The following NYAP2 variants were observed in gnomAD, a reference collection of about 807,000 sequenced individuals.
NYAP2 encodes neuronal tyrosine-phosphorylated phosphoinositide-3-kinase adapter 2.
NYAP2 carries 23 observed loss-of-function variants against 50.4 expected under a neutral mutation model. The observed-to-expected ratio is 0.46, with a 90% CI of 0.33 to 0.65. The LOEUF is 0.65. Ranked by LOEUF, NYAP2 falls within the 30% of genes least tolerant of loss-of-function variation. NYAP2 has a pLI of 0.02. For synonymous variants in NYAP2, 394 were observed against 365.2 expected (o/e 1.08, Z -0.90); for missense variants, 885 against 861.0 (o/e 1.03, Z -0.35).
chr2:225,553,276 AAGTTCCCCCT>A (rs927290240), intron 4 of NYAP2, among the ~76,000 whole-genome samples: 2 of 152,216 alleles, frequency 1.3e-5, no homozygotes, highest in African/African-American at 2.4e-5. Flanking sequence ...AGGAAGAAAC[AAGTTCCCCCT>A]AGTTCCCCCT....
intron 3 of NYAP2, among the ~76,000 whole-genome samples, chr2:225,491,370 G>A (rs1037937615): frequency 1.3e-5 from 2 of 152,048 alleles, no homozygotes; most frequent in African/African-American, 4.8e-5. Flanking sequence ...AGGCTTCTGG[G>A]TCCTACCACC....
At chr2:225,547,080 T>C (rs1373016289) in intron 4 of NYAP2, among the ~76,000 whole-genome samples, 1 of 152,094 alleles carries the variant, frequency 6.6e-6, no homozygotes, top group Non-Finnish European at 1.5e-5. Flanking sequence ...AAAAGTCCTC[T>C]TTACTCTTCC....
At chr2:225,599,085 CCT>C (rs1224003902) in intron 5 of NYAP2, among the ~76,000 whole-genome samples, 1 of 151,992 alleles carries the variant, frequency 6.6e-6, no homozygotes, top group African/African-American at 2.4e-5. Context: ...TCTTTCTCTT[CCT>C]CTCTCTCTCA....
chr2:225,681,097 A>G, the NYAP2 span, among the ~76,000 whole-genome samples: 3 of 152,186 alleles, frequency 2.0e-5, no homozygotes, highest in Admixed American at 2.0e-4. Context: ...TCCTTAAAAA[A>G]TGTTTCTTAA....
chr2:225,530,780 C>T (rs900781804), intron 4 of NYAP2, among the ~76,000 whole-genome samples: 1 of 152,160 alleles, frequency 6.6e-6, no homozygotes, highest in Non-Finnish European at 1.5e-5. Flanking sequence ...GGCGTTTCCT[C>T]CATGGTTTTT....
At chr2:225,514,109 T>TTATGTGTG (rs1690882928) in intron 4 of NYAP2, among the ~76,000 whole-genome samples, 1 of 152,232 alleles carries the variant, frequency 6.6e-6, no homozygotes, top group Non-Finnish European at 1.5e-5. Flanking sequence ...ATTTATGTAT[T>TTATGTGTG]TATGTGTGTA....
chr2:225,601,169 GGAGAGCA>G (rs1252693672), intron 5 of NYAP2, among the ~76,000 whole-genome samples: 2 of 148,746 alleles, frequency 1.3e-5, no homozygotes, highest in Non-Finnish European at 3.0e-5. Flanking sequence ...TCCCCAGGCT[GGAGAGCA>G]GTGACGCGAT....
chr2:225,516,188 G>A (rs995396955), intron 4 of NYAP2, among the ~76,000 whole-genome samples: 2 of 152,074 alleles, frequency 1.3e-5, no homozygotes, highest in Admixed American at 6.6e-5. Flanking sequence ...ATGTTTCATC[G>A]CTAGTTCCTG....
At chr2:225,558,755 C>T (rs951178997) in intron 4 of NYAP2, among the ~76,000 whole-genome samples, 9 of 152,136 alleles carry the variant, frequency 5.9e-5, no homozygotes, top group Non-Finnish European at 1.2e-4. Flanking sequence ...CATAGCTTCT[C>T]TTTAAATTTA....
chr2:225,404,754 T>A (rs1694912539), intron 2 of NYAP2, among the ~76,000 whole-genome samples: 1 of 151,974 alleles, frequency 6.6e-6, no homozygotes, highest in Non-Finnish European at 1.5e-5. Flanking sequence ...AAAGTCAACA[T>A]CTTTAACTTA....
rs765610435 is a variant in NYAP2, at chr2:225,582,860, G to A, written c.1443G>A (p.Ser481=). The A allele has an allele frequency of 3.3e-5, 53 of 1,613,630 alleles. No homozygotes were observed. In the South Asian group the frequency reaches 5.1e-4, roughly 15 times the overall value. The change falls in exon 5 of 7, where the codon TCG becomes TCA. Residue 481 remains serine (S), a synonymous_variant. Coordinates refer to ENST00000636099, the Ensembl canonical transcript of NYAP2. The surrounding 1 kb of genome is among the most constrained non-coding windows in gnomAD (Gnocchi z 7.0). ...CTCACTCGACCCCCAGACCCGTGTCGCAAGATGGGGCCAAGATGGTCAACG... is the reference window on the plus strand; with the variant it reads ...CTCACTCGACCCCCAGACCCGTGTCACAAGATGGGGCCAAGATGGTCAACG...
In NYAP2 at chr2:225,601,009, T is replaced by C. The variant is rs545375442; in HGVS notation, c.1618+17974T>C. 7.2e-5 allele frequency among the ~76,000 whole-genome samples: 11 copies of C among 152,334 alleles called. No individual in the cohort carries two copies. In the South Asian group the frequency reaches 1.9e-3, roughly 26 times the overall value. On this transcript the variant is annotated intron_variant, in intron 5 of 6. Coordinates refer to ENST00000636099, the Ensembl canonical transcript of NYAP2. ...CTTGGCTATTTTGAGTAATACAAAATATGTGATGGACATGAGTGGTGTATG... is the reference window on the plus strand; with the variant it reads ...CTTGGCTATTTTGAGTAATACAAAACATGTGATGGACATGAGTGGTGTATG...
chr2:225,580,847 C>A (rs1003239272), intron 4 of NYAP2, among the ~76,000 whole-genome samples: 2 of 152,110 alleles, frequency 1.3e-5, no homozygotes, highest in African/African-American at 4.8e-5. Flanking sequence ...TCCTCACAGT[C>A]TTACAACTCT....
At chr2:225,519,705 T>G (rs549100927) in intron 4 of NYAP2, among the ~76,000 whole-genome samples, 2 of 152,348 alleles carry the variant, frequency 1.3e-5, no homozygotes, top group East Asian at 3.9e-4. Flanking sequence ...AAGTCTTTGC[T>G]ATTATGAATA....
chr2:225,411,834 T>C (rs1695046967), intron 3 of NYAP2, among the ~76,000 whole-genome samples: 1 of 151,962 alleles, frequency 6.6e-6, no homozygotes, highest in African/African-American at 2.4e-5. Context: ...ACATTTGTGT[T>C]ATTAATAAGA....
At chr2:225,557,984 C>G (rs1260290090) in intron 4 of NYAP2, among the ~76,000 whole-genome samples, 1 of 152,110 alleles carries the variant, frequency 6.6e-6, no homozygotes, top group Non-Finnish European at 1.5e-5. Context: ...GAAAAATGAA[C>G]AAGGATCCTC....
the NYAP2 span, among the ~76,000 whole-genome samples, chr2:225,660,725 G>C: frequency 3.3e-5 from 5 of 152,254 alleles, no homozygotes; most frequent in South Asian, 2.1e-4. Context: ...TTATGACACA[G>C]AAGATGTATG....
At chr2:225,466,766 T>C (rs993829196) in intron 3 of NYAP2, among the ~76,000 whole-genome samples, 2 of 152,178 alleles carry the variant, frequency 1.3e-5, no homozygotes, top group African/African-American at 2.4e-5. Flanking sequence ...TTTTATAATA[T>C]TGAGAGAATT....
chr2:225,657,457 C>T (rs1230455559), downstream of NYAP2, among the ~76,000 whole-genome samples: 1 of 151,846 alleles, frequency 6.6e-6, no homozygotes, highest in Non-Finnish European at 1.5e-5. Context: ...TCTGAATAAC[C>T]TGACCTTAAA....
Sources: gnomAD v4.1 joint callset for allele counts (sites outside exome capture counted in the v4.1 genomes callset) on GRCh38, gnomAD v4.1.1 for gene constraint, Gnocchi (gnomAD v3.1) non-coding constraint, MANE v1.5 for transcripts, NCBI Gene and HGNC (gene_info 2026-07-23, HGNC 2026-07-21) for gene names.